Variants in EIF5B observed in about 807,000 individuals in gnomAD.
EIF5B encodes eukaryotic translation initiation factor 5B.
EIF5B carries 47 observed loss-of-function variants against 147.5 expected under a neutral mutation model. The observed-to-expected ratio is 0.32, with a 90% CI of 0.25 to 0.41. The LOEUF is 0.41. Ranked by LOEUF, EIF5B falls within the 10% of genes least tolerant of loss-of-function variation. The pLI is 1.00. For missense variants in EIF5B, 1,064 were observed against 1,413.2 expected (o/e 0.75, Z 3.96); for synonymous variants, 455 against 456.2 (o/e 1.00, Z 0.03).
At chr2:99,363,346 TACA>T (rs1674259952) in intron 4 of EIF5B, among the ~76,000 whole-genome samples, 1 of 152,228 alleles carries the variant, frequency 6.6e-6, no homozygotes, top group Non-Finnish European at 1.5e-5. Context: ...GATTTAGAGA[TACA>T]TTAGGTACAG....
At chr2:99,351,095 G>A (rs6718056) in intron 1 of EIF5B, among the ~76,000 whole-genome samples, 145 of 152,374 alleles carry the variant, frequency 9.5e-4, no homozygotes, top group African/African-American at 3.4e-3. Flanking sequence ...GGGAGGCCAA[G>A]GCAGGTGGAT....
At chr2:99,346,319 A>G (rs2105336120) in intron 1 of EIF5B, among the ~76,000 whole-genome samples, 1 of 152,304 alleles carries the variant, frequency 6.6e-6, no homozygotes, top group East Asian at 1.9e-4. Flanking sequence ...AGACCATTCT[A>G]ATGATGGTGT....
intron 9 of EIF5B, among the ~76,000 whole-genome samples, chr2:99,373,446 A>G (rs571468036): frequency 6.6e-6 from 1 of 152,316 alleles, no homozygotes; most frequent in South Asian, 2.1e-4. Context: ...GAAGGGCAAG[A>G]GGAGCAAACT....
intron 22 of EIF5B, 189 bp downstream of exon 22, chr2:99,397,087 C>G: frequency 1.9e-6 from 1 of 521,156 alleles, no homozygotes; most frequent in South Asian, 4.6e-5. Flanking sequence ...AACTTTAAAA[C>G]AAGCAGAGCC....
chr2:99,378,950 C>A (rs187293019), intron 10 of EIF5B, 69 bp from the exon 11 acceptor site: 2 of 1,255,836 alleles, frequency 1.6e-6, no homozygotes, highest in East Asian at 2.7e-5. Flanking sequence ...CAAGGCAAAA[C>A]AGAAAATAAG....
Position 99,396,651 on chromosome 2 carries a change from G to T in EIF5B, c.3255-109G>T, listed in dbSNP as rs1574943332. The T allele has an allele frequency of 1.2e-5, 17 of 1,385,740 alleles. No individual in the cohort carries two copies. The East Asian group carries it at 4.0e-4, about 33-fold the overall frequency. The allele number at this position is 1,385,740 out of a possible 1,614,324, so 85.8% of individuals were successfully genotyped here. A position where few individuals can be genotyped will look rare whatever the true frequency, so the allele number is the denominator to read the frequency against. ...GCCTGCCCCTCTCCTGTGGCCGCTG[G>T]GGAAAGCTGCTTTCCTCTAATGGGA... is the stretch of plus-strand genomic sequence containing the variant. On this transcript the variant is annotated intron_variant, in intron 21 of 23. Transcript: ENST00000289371.
chr2:99,379,506 C>T lies in EIF5B; in HGVS notation c.2061+78C>T, dbSNP rs565793833. 6.0e-5 allele frequency: 68 copies of T among 1,130,008 alleles called. No individual in the cohort carries two copies. The African/African-American group carries it at 9.5e-4, about 16-fold the overall frequency. 70.0% of individuals were successfully genotyped at this position (1,130,008 alleles called of 1,614,324 possible). ...AACTATTTCAAACATAGAAAAAGGA[C>T]AGAGACTAGGATAACAGCTCCATAT... On this transcript the variant is annotated intron_variant, in intron 12 of 23. Transcript: ENST00000289371.
At chr2:99,364,656 T>C (rs1674290287) in intron 6 of EIF5B, among the ~76,000 whole-genome samples, 1 of 152,198 alleles carries the variant, frequency 6.6e-6, no homozygotes, top group East Asian at 1.9e-4. Context: ...TAAGTTATCC[T>C]CCCACAAACA....
intron 15 of EIF5B, 137 bp from the exon 16 acceptor site, chr2:99,390,082 A>C: frequency 8.9e-7 from 1 of 1,122,520 alleles, no homozygotes; most frequent in Non-Finnish European, 1.3e-6. Context: ...TGCTTATAGG[A>C]TATACATGAT....
At chr2:99,364,057 C>T (rs1488419034) in intron 5 of EIF5B, among the ~76,000 whole-genome samples, 195 bp downstream of exon 5, 5 of 151,976 alleles carry the variant, frequency 3.3e-5, no homozygotes, top group East Asian at 1.9e-4. Flanking sequence ...ACAGATTGCT[C>T]GATACATAAG....
In EIF5B at chr2:99,379,337, A is replaced by G. The variant is rs564154677; in HGVS notation, c.1970A>G (p.Gln657Arg). 1.9e-6 allele frequency: 3 copies of G among 1,613,592 alleles called. No individual in the cohort carries two copies. The South Asian group carries it at 3.3e-5, about 18-fold the overall frequency. The change falls in exon 12 of 24, where the codon CAA becomes CGA. Residue 657 changes from glutamine to arginine, a missense_variant. Gln to Arg is a conservative substitution (Grantham distance 43). This residue lies in a region of EIF5B where 380 missense variants were observed against 715.6 expected (regional missense o/e 0.53). Transcript: ENST00000289371. The part of the protein sequence containing the change: ...ILDKLRHTHV[Q>R]DGEAGGITQQ... ...TCATAGCTCCGTCACACACATGTAC[A>G]AGATGGTGAAGCAGGTGGTATCACA...
chr2:99,388,610 C>T (rs1000036984), intron 14 of EIF5B, among the ~76,000 whole-genome samples: 1 of 152,150 alleles, frequency 6.6e-6, no homozygotes, highest in African/African-American at 2.4e-5. Flanking sequence ...CTGTTAACAA[C>T]ATAATTACTG....
Position 99,376,515 on chromosome 2 carries a change from A to G in EIF5B, c.1721A>G (p.Asp574Gly). 6.2e-7 allele frequency: 1 copy of G among 1,614,114 alleles called. No homozygotes were observed. Among genetic ancestry groups the G allele is most frequent in the African/African-American group, 1.3e-5 (1 of 75,038 alleles). The change falls in exon 10 of 24, where the codon GAT becomes GGT. Residue 574 changes from aspartate to glycine, a missense_variant. Transcript: ENST00000289371. ...GATGAAAAGGTGTCAGATGAGAAGG[A>G]TTCAGGGAAGACATTAGATAAAAAG... ...EEDEKVSDEK[D>G]SGKTLDKKPS...
intron 21 of EIF5B, among the ~76,000 whole-genome samples, chr2:99,396,081 CCA>C (rs1261801141): frequency 6.6e-6 from 1 of 152,118 alleles, no homozygotes; most frequent in Non-Finnish European, 1.5e-5. Flanking sequence ...GTGATTCAGA[CCA>C]CAGTGATGAT....
intron 10 of EIF5B, among the ~76,000 whole-genome samples, chr2:99,378,779 TCC>T (rs1674615204): frequency 6.6e-6 from 1 of 152,326 alleles, no homozygotes; most frequent in South Asian, 2.1e-4. Context: ...TTTACAATAT[TCC>T]TATTCGTATT....
intron 1 of EIF5B, among the ~76,000 whole-genome samples, chr2:99,340,218 T>C (rs1252634191): frequency 6.6e-6 from 1 of 152,212 alleles, no homozygotes; most frequent in African/African-American, 2.4e-5. Context: ...GCTTTGTGAG[T>C]CAGCTTTTTA....
intron 16 of EIF5B, 22 bp downstream of exon 16, chr2:99,390,423 T>C: frequency 6.5e-7 from 1 of 1,540,232 alleles, no homozygotes; most frequent in South Asian, 1.2e-5. Flanking sequence ...CTTTTCAGTT[T>C]ATTGTTTTTT....
intron 1 of EIF5B, among the ~76,000 whole-genome samples, 193 bp from the exon 2 acceptor site, chr2:99,360,043 C>T (rs1437619274): frequency 6.6e-6 from 1 of 151,980 alleles, no homozygotes. Flanking sequence ...GAGTGTAATC[C>T]AGAAACTTCA....
In EIF5B at chr2:99,345,591, C is replaced by CA. The variant is rs34437423; in HGVS notation, c.35+8022dup. Among the ~76,000 whole-genome samples the CA allele has an allele frequency of 6.3e-3, 210 of 33,158 alleles. 1 individual carries two copies. The highest frequency in any genetic ancestry group is 0.014 in the African/African-American group (158 of 11,576). The allele number at this position is 33,158 out of a possible 152,430, so 21.8% of individuals were successfully genotyped here. ...CCTGGGCAATGGAGTGAGACTGTCTCAAAAAAAAAAAAAAAAAAAAGGAAT... is the reference window on the plus strand; with the variant it reads ...CCTGGGCAATGGAGTGAGACTGTCTCAAAAAAAAAAAAAAAAAAAAAGGAAT... On this transcript the variant is annotated intron_variant, in intron 1 of 23. Coordinates refer to ENST00000289371, the MANE Select transcript of EIF5B (RefSeq NM_015904.4).
Sources: gnomAD v4.1 joint callset for allele counts (sites outside exome capture counted in the v4.1 genomes callset) on GRCh38, gnomAD v4.1.1 for gene constraint, gnomAD v4.1.1 regional missense constraint, MANE v1.5 for transcripts, NCBI Gene and HGNC (gene_info 2026-07-23, HGNC 2026-07-21) for gene names.